Variants in PITPNC1 observed in about 807,000 individuals in gnomAD.
PITPNC1 encodes the protein phosphatidylinositol transfer protein cytoplasmic 1.
In PITPNC1, 18 loss-of-function variants were observed where a neutral mutation model predicts 44.7. That is an observed-to-expected ratio of 0.40 (90% CI 0.28 to 0.60). The LOEUF (loss-of-function observed/expected upper bound fraction) is 0.60. PITPNC1 is among the 20% of genes least tolerant of loss of function. The probability of loss-of-function intolerance (pLI) is 0.39; values close to 1 mark genes in which losing one functional copy is unlikely to be tolerated. For missense variants in PITPNC1, 290 were observed against 418.4 expected (o/e 0.69, Z 2.68); for synonymous variants, 141 against 149.6 (o/e 0.94, Z 0.42).
At position 67,693,251 on chromosome 17, in the gene PITPNC1, A is replaced by G. The variant is rs145595114; in HGVS notation, c.*363A>G. 5 of 178,726 alleles carry G rather than the reference A, an allele frequency of 2.8e-5. No individual in the cohort carries two copies. The highest frequency in any genetic ancestry group is 4.6e-5 in the Non-Finnish European group (4 of 86,240). The allele number at this position is 178,726 out of a possible 1,614,324, so 11.1% of individuals were successfully genotyped here. A position where few individuals can be genotyped will look rare whatever the true frequency, so the allele number is the denominator to read the frequency against. The stretch of plus-strand genomic sequence containing the variant: ...TACAAGGTACGGTAGAAAATAGTGA[A>G]GTCAGTTTCCTCTCATCAAATCTAA... On this transcript the variant is annotated 3_prime_UTR_variant, in exon 9 of 9. Coordinates refer to ENST00000581322, the MANE Select transcript of PITPNC1 (RefSeq NM_012417.4).
intron 5 of PITPNC1, among the ~76,000 whole-genome samples, chr17:67,598,796 G>T (rs2041493219): frequency 6.6e-6 from 1 of 151,554 alleles, no homozygotes; most frequent in Non-Finnish European, 1.5e-5. Flanking sequence ...GGGAAGCTGA[G>T]GCAGGAGAAT....
At chr17:67,515,615 T>C (rs923635273) in intron 1 of PITPNC1, among the ~76,000 whole-genome samples, 4 of 152,184 alleles carry the variant, frequency 2.6e-5, no homozygotes, top group African/African-American at 4.8e-5. Flanking sequence ...GAGTGTGGGC[T>C]GGGCGTGGAG....
At chr17:67,662,556 ATT>A (rs975579730) in intron 6 of PITPNC1, among the ~76,000 whole-genome samples, 1 of 152,118 alleles carries the variant, frequency 6.6e-6, no homozygotes, top group Non-Finnish European at 1.5e-5. Context: ...CCAAAAGGAA[ATT>A]TTGTTTCTGT....
At position 67,445,295 on chromosome 17, in the gene PITPNC1, A is replaced by G. The variant is rs1001777135; in HGVS notation, c.48+67093A>G. Among the ~76,000 whole-genome samples, 11 of 151,984 alleles carry G rather than the reference A, an allele frequency of 7.2e-5. 1 individual carries two copies. Among genetic ancestry groups the G allele is most frequent in the South Asian group, 2.1e-4 (1 of 4,828 alleles). On this transcript the variant is annotated intron_variant, in intron 1 of 8. Coordinates refer to ENST00000581322, the MANE Select transcript of PITPNC1 (RefSeq NM_012417.4). Reference sequence around the variant, plus strand: ...CGTTAGGCAGATAAGGGAACTCCAGAGAATAACTTTTATTCTGTGTTTTGG... The same window carrying G: ...CGTTAGGCAGATAAGGGAACTCCAGGGAATAACTTTTATTCTGTGTTTTGG...
chr17:67,526,195 T>C (rs2040389700), intron 1 of PITPNC1, among the ~76,000 whole-genome samples: 1 of 152,094 alleles, frequency 6.6e-6, no homozygotes, highest in Non-Finnish European at 1.5e-5. Context: ...TGACCCCCAC[T>C]AGGTGCTTTA....
In PITPNC1 at chr17:67,652,675, A is replaced by C. The variant is rs201552751; in HGVS notation, c.463-16833A>C. 6.6e-5 allele frequency among the ~76,000 whole-genome samples: 10 copies of C among 152,342 alleles called. No individual in the cohort carries two copies. The East Asian group carries it at 1.7e-3, about 26-fold the overall frequency. On this transcript the variant is annotated intron_variant, in intron 6 of 8. Coordinates refer to ENST00000581322, the MANE Select transcript of PITPNC1 (RefSeq NM_012417.4). ...GCTGCCGGGCCGAGAGGAGCTGGGC[A>C]GGGCCCTTGAGGCAAGAGCATCGCT...
chr17:67,538,216 G>A (rs550275473), intron 2 of PITPNC1, among the ~76,000 whole-genome samples: 46 of 152,138 alleles, frequency 3.0e-4, no homozygotes, highest in Middle Eastern at 3.4e-3. Context: ...AATTATTGAG[G>A]GGAAGATGAA....
At chr17:67,593,598 C>T (rs1054610705) in intron 5 of PITPNC1, among the ~76,000 whole-genome samples, 14 of 152,194 alleles carry the variant, frequency 9.2e-5, no homozygotes, top group African/African-American at 3.1e-4. Context: ...GAGGTTTCAC[C>T]GTGTTGGCCA....
At chr17:67,451,213 G>A (rs2039170541) in intron 1 of PITPNC1, among the ~76,000 whole-genome samples, 1 of 151,964 alleles carries the variant, frequency 6.6e-6, no homozygotes. Flanking sequence ...TGTATTTTTA[G>A]TAGAGACGGG....
intron 6 of PITPNC1, among the ~76,000 whole-genome samples, chr17:67,635,116 G>A (rs563890106): frequency 1.3e-5 from 2 of 152,130 alleles, no homozygotes; most frequent in East Asian, 3.9e-4. Flanking sequence ...AAGCTGAGGT[G>A]TCATAGGATC....
In PITPNC1 at chr17:67,492,982, C is replaced by T. The variant is rs752148610; in HGVS notation, c.49-39820C>T. 3.3e-5 allele frequency among the ~76,000 whole-genome samples: 5 copies of T among 152,244 alleles called. No homozygotes were observed. The East Asian group carries it at 9.6e-4, about 29-fold the overall frequency. On this transcript the variant is annotated intron_variant, in intron 1 of 8. Transcript: ENST00000581322. ...GTTTCGTTCCTTTCTGATGAATATACGTGGGCGCTTTTGTGAGTTACATTC... is the reference window on the plus strand; with the variant it reads ...GTTTCGTTCCTTTCTGATGAATATATGTGGGCGCTTTTGTGAGTTACATTC...
intron 1 of PITPNC1, 85 bp from the exon 2 acceptor site, chr17:67,532,717 T>G: frequency 9.3e-7 from 1 of 1,080,418 alleles, no homozygotes; most frequent in Non-Finnish European, 1.3e-6. Context: ...CTGATGTTAT[T>G]AGTGGCTTGC....
At chr17:67,448,238 C>T (rs1047757089) in intron 1 of PITPNC1, among the ~76,000 whole-genome samples, 5 of 151,980 alleles carry the variant, frequency 3.3e-5, no homozygotes, top group Non-Finnish European at 5.9e-5. Context: ...TGAGCCACTG[C>T]GCCCGGCTGC....
intron 1 of PITPNC1, among the ~76,000 whole-genome samples, chr17:67,455,590 T>G (rs2039244055): frequency 7.7e-6 from 1 of 129,976 alleles, no homozygotes. Context: ...CAGCTAGTTT[T>G]TTTTGTTTTT....
chr17:67,695,839 C>T lies in PITPNC1; in HGVS notation c.*2951C>T, dbSNP rs1334941722. Reference sequence around the variant, plus strand: ...CCTGTGCATTTTCTTGGCCATAGCACGGCATTCTTGCTTTAGCTGTGCTTT... The same window carrying T: ...CCTGTGCATTTTCTTGGCCATAGCATGGCATTCTTGCTTTAGCTGTGCTTT... On this transcript the variant is annotated 3_prime_UTR_variant, in exon 9 of 9. Coordinates refer to ENST00000581322, the MANE Select transcript of PITPNC1 (RefSeq NM_012417.4). The T allele has an allele frequency of 6.6e-6, 1 of 152,060 alleles. No homozygotes were observed. The highest frequency in any genetic ancestry group is 1.5e-5 in the Non-Finnish European group (1 of 68,022). 9.4% of individuals were successfully genotyped at this position (152,060 alleles called of 1,614,324 possible). A position where few individuals can be genotyped will look rare whatever the true frequency, so the allele number is the denominator to read the frequency against.
intron 4 of PITPNC1, among the ~76,000 whole-genome samples, chr17:67,576,988 A>G (rs1652785853): frequency 6.6e-6 from 1 of 152,220 alleles, no homozygotes; most frequent in African/African-American, 2.4e-5. Flanking sequence ...TACATATTAA[A>G]AGCCAGGTCT....
intron 5 of PITPNC1, among the ~76,000 whole-genome samples, chr17:67,626,549 T>C (rs2041897485): frequency 1.3e-5 from 2 of 152,138 alleles, no homozygotes; most frequent in South Asian, 4.1e-4. Context: ...TTTGTATTTT[T>C]AGTAGAGATG....
chr17:67,427,900 C>T (rs2038795833), intron 1 of PITPNC1, among the ~76,000 whole-genome samples: 1 of 152,226 alleles, frequency 6.6e-6, no homozygotes. Context: ...ACCTAAGTGT[C>T]TGAAATGATA....
At chr17:67,462,770 T>A (rs1214654271) in intron 1 of PITPNC1, among the ~76,000 whole-genome samples, 1 of 149,640 alleles carries the variant, frequency 6.7e-6, no homozygotes, top group African/African-American at 2.5e-5. Context: ...TGGCGTGATA[T>A]CGGCTCACCG....
Sources: allele counts gnomAD v4.1 joint callset (sites outside exome capture counted in the v4.1 genomes callset), GRCh38; gene constraint gnomAD v4.1.1; transcripts MANE v1.5; gene names NCBI Gene and HGNC (gene_info 2026-07-23, HGNC 2026-07-21).